MTREX: variants seen among roughly 807,000 people sequenced by gnomAD.
The protein encoded by MTREX is Mtr4 exosome RNA helicase, also known as exosome RNA helicase MTR4.
In MTREX, 76 loss-of-function variants were observed where a neutral mutation model predicts 135.4. The ratio of observed to expected loss-of-function variants is 0.56; its 90% CI spans 0.47 to 0.68. The LOEUF is 0.68. Among genes scored for constraint, MTREX ranks in the 30% least tolerant of loss-of-function variants. The pLI is 0.00. For missense variants in MTREX, 920 were observed against 1,262.1 expected (o/e 0.73, Z 4.11); for synonymous variants, 404 against 401.6 (o/e 1.01, Z -0.07).
chr5:55,413,267 G>A (rs1423424489), intron 23 of MTREX, among the ~76,000 whole-genome samples: 1 of 151,310 alleles, frequency 6.6e-6, no homozygotes, highest in African/African-American at 2.4e-5. Context: ...AACCCGGGAG[G>A]TGGAGGTTGC....
chr5:55,399,313 A>C (rs1377116650), intron 20 of MTREX, among the ~76,000 whole-genome samples: 1 of 152,116 alleles, frequency 6.6e-6, no homozygotes, highest in Non-Finnish European at 1.5e-5. Context: ...CCCAATTCCC[A>C]GTTCCTAACT....
In MTREX at chr5:55,378,476, G is replaced by A. The variant is rs996507083; in HGVS notation, c.1973G>A (p.Arg658His). 4 of 1,607,292 alleles carry A rather than the reference G, an allele frequency of 2.5e-6. No individual in the cohort carries two copies. Among genetic ancestry groups the A allele is most frequent in the African/African-American group, 1.3e-5 (1 of 74,576 alleles). The part of the protein sequence containing the change: ...KYCLPFLQPG[R>H]LVKVKNEGDD... ...TGCTTACCTTTTCTACAACCAGGTC[G>A]TTTGGTAAAGGTATGTCATTGTTTC... is the stretch of plus-strand genomic sequence containing the variant. Residue 658 changes from arginine to histidine, a missense_variant, in exon 17 of 27, where the codon CGT becomes CAT. Around this residue, in one of 6 missense-constraint regions of MTREX, gnomAD observed 467 missense variants for 589.7 expected, o/e 0.79. Coordinates refer to ENST00000230640, the MANE Select transcript of MTREX (RefSeq NM_015360.5).
Position 55,424,948 on chromosome 5 carries a change from AT to A in MTREX, c.*183del. The A allele has an allele frequency of 1.6e-6, 1 of 638,072 alleles. No individual in the cohort carries two copies. The highest frequency in any genetic ancestry group is 2.6e-6 in the Non-Finnish European group (1 of 377,430). 39.5% of individuals were successfully genotyped at this position (638,072 alleles called of 1,614,324 possible). On this transcript the variant is annotated 3_prime_UTR_variant, in exon 27 of 27. Coordinates refer to ENST00000230640, the MANE Select transcript of MTREX (RefSeq NM_015360.5). ...ATACATGTTTATACATAAGCATTAC[AT>A]TTTTTTAATAAAAATGTATACAGGT...
intron 1 of MTREX, among the ~76,000 whole-genome samples, chr5:55,317,207 A>G (rs1749212529): frequency 6.6e-6 from 1 of 152,242 alleles, no homozygotes; most frequent in Non-Finnish European, 1.5e-5. Flanking sequence ...CAAAATGGCT[A>G]TAGTGCCCAA....
intron 19 of MTREX, among the ~76,000 whole-genome samples, chr5:55,388,953 C>T (rs1481907099): frequency 1.3e-5 from 2 of 152,138 alleles, no homozygotes; most frequent in Non-Finnish European, 2.9e-5. Flanking sequence ...ACTGTAGTAT[C>T]ATAGACTGCT....
intron 19 of MTREX, among the ~76,000 whole-genome samples, chr5:55,390,377 G>A (rs187922873): frequency 4.6e-5 from 7 of 152,074 alleles, no homozygotes; most frequent in South Asian, 2.1e-4. Flanking sequence ...CTGGGATTAC[G>A]TGCATGAGCC....
At chr5:55,347,574 TTCTC>T (rs1209847055) in intron 11 of MTREX, among the ~76,000 whole-genome samples, 2 of 152,214 alleles carry the variant, frequency 1.3e-5, no homozygotes, top group African/African-American at 4.8e-5. Flanking sequence ...TATTTTGTAA[TTCTC>T]AATCAAAGTG....
At position 55,350,902 on chromosome 5, in the gene MTREX, T is replaced by C; in HGVS notation, c.1321-17T>C. On this transcript the variant is annotated splice_polypyrimidine_tract_variant and intron_variant, in intron 12 of 26. Coordinates refer to ENST00000230640, the MANE Select transcript of MTREX (RefSeq NM_015360.5). ...TTCTCACATCATTATAAAATCAGTG[T>C]TATTCCAAAATCACAGGTAGAACAT... The C allele has an allele frequency of 6.4e-7, 1 of 1,562,336 alleles. No individual in the cohort carries two copies. Among genetic ancestry groups the C allele is most frequent in the East Asian group, 2.3e-5 (1 of 43,588 alleles).
intron 22 of MTREX, among the ~76,000 whole-genome samples, chr5:55,407,986 G>A (rs1413268644): frequency 6.6e-6 from 1 of 152,064 alleles, no homozygotes; most frequent in East Asian, 1.9e-4. Context: ...TTGAACTCCT[G>A]TAATTAAGCA....
At chr5:55,423,800 C>CAA (rs1489579230) in intron 26 of MTREX, 2 of 152,160 alleles carry the variant, frequency 1.3e-5, no homozygotes, top group African/African-American at 2.4e-5. Context: ...CTAAGTTAAT[C>CAA]AAAGAATATA....
intron 19 of MTREX, among the ~76,000 whole-genome samples, chr5:55,390,050 G>C (rs1027348833): frequency 6.6e-6 from 1 of 152,112 alleles, no homozygotes; most frequent in Admixed American, 6.6e-5. Context: ...GTCTGACTTT[G>C]AGTGGATATG....
At chr5:55,369,915 CT>C (rs60011222) in intron 16 of MTREX, among the ~76,000 whole-genome samples, 52,318 of 141,208 alleles carry the variant, frequency 0.37, 9,189 homozygotes, top group African/African-American at 0.5. Flanking sequence ...TTTCTTTTTT[CT>C]TTTTTTTTTT....
At chr5:55,355,481 G>C (rs1749896546) in intron 14 of MTREX, among the ~76,000 whole-genome samples, 2 of 152,208 alleles carry the variant, frequency 1.3e-5, no homozygotes, top group Non-Finnish European at 2.9e-5. Flanking sequence ...CATCCAAGGG[G>C]GAAAGGGAGG....
chr5:55,410,522 A>G lies in MTREX; in HGVS notation c.2646-2A>G. 6.3e-7 allele frequency: 1 copy of G among 1,589,600 alleles called. No individual in the cohort carries two copies. Among genetic ancestry groups the G allele is most frequent in the Non-Finnish European group, 8.6e-7 (1 of 1,162,626 alleles). On this transcript the variant is annotated splice_acceptor_variant, in intron 22 of 26. Coordinates refer to ENST00000230640, the MANE Select transcript of MTREX (RefSeq NM_015360.5). LOFTEE classifies it high-confidence loss of function. The stretch of plus-strand genomic sequence containing the variant: ...TTTTATTCTTTTGTTTTGCCATTGT[A>G]GTGCTGATGAGCTCCTTCTAACTGA...
intron 1 of MTREX, among the ~76,000 whole-genome samples, chr5:55,320,551 T>C (rs1364006867): frequency 1.3e-5 from 2 of 152,164 alleles, no homozygotes; most frequent in Non-Finnish European, 2.9e-5. Flanking sequence ...AAGAAAAGTG[T>C]GCAGATTATG....
At chr5:55,416,551 G>A (rs903412344) in intron 25 of MTREX, among the ~76,000 whole-genome samples, 7 of 152,042 alleles carry the variant, frequency 4.6e-5, no homozygotes, top group Non-Finnish European at 1.0e-4. Flanking sequence ...GACTGTTATT[G>A]CAGCATGAAT....
At chr5:55,313,102 T>A (rs765332544) in intron 1 of MTREX, among the ~76,000 whole-genome samples, 2 of 152,142 alleles carry the variant, frequency 1.3e-5, no homozygotes, top group African/African-American at 2.4e-5. Context: ...ATTTAACTTT[T>A]TGGATTTTTA....
At chr5:55,343,606 C>G in intron 8 of MTREX, 151 bp downstream of exon 8, 1 of 670,638 alleles carries the variant, frequency 1.5e-6, no homozygotes. Context: ...AGCAGCTTAT[C>G]AAAATCAACT....
At chr5:55,332,744 C>G (rs1356363097) in intron 5 of MTREX, among the ~76,000 whole-genome samples, 1 of 152,178 alleles carries the variant, frequency 6.6e-6, no homozygotes, top group Non-Finnish European at 1.5e-5. Context: ...ACCTCATCAC[C>G]TCTTAAAGGC....
Sources: gnomAD v4.1 joint callset for allele counts (sites outside exome capture counted in the v4.1 genomes callset) on GRCh38, gnomAD v4.1.1 for gene constraint, gnomAD v4.1.1 regional missense constraint, MANE v1.5 for transcripts, NCBI Gene and HGNC (gene_info 2026-07-23, HGNC 2026-07-21) for gene names.